Variants in ARHGAP15 observed in about 807,000 individuals in gnomAD.
ARHGAP15 encodes the protein rho GTPase-activating protein 15.
In ARHGAP15, 51 loss-of-function variants were observed where a neutral mutation model predicts 63.7. The ratio of observed to expected loss-of-function variants is 0.80; its 90% confidence interval spans 0.64 to 1.01. The LOEUF (loss-of-function observed/expected upper bound fraction) is 1.01, where lower values mean the gene tolerates loss of function less well. Among genes scored for constraint, ARHGAP15 ranks in the 50% least tolerant of loss-of-function variants. ARHGAP15 has a pLI of 0.00. For synonymous variants in ARHGAP15, 191 were observed against 193.8 expected (o/e 0.99, Z 0.12); for missense variants, 560 against 564.6 (o/e 0.99, Z 0.08).
chr2:143,535,237 ATGT>A (rs1488642118), intron 10 of ARHGAP15, among the ~76,000 whole-genome samples: 2 of 152,256 alleles, frequency 1.3e-5, no homozygotes, highest in East Asian at 3.9e-4. Flanking sequence ...TGAAGCCAAC[ATGT>A]TGTACCCATT....
chr2:143,572,003 T>G (rs758551414), intron 11 of ARHGAP15: 1 of 152,256 alleles, frequency 6.6e-6, no homozygotes, highest in African/African-American at 2.4e-5. Context: ...ATTAGCTGCT[T>G]CTTCCACTGT....
At chr2:143,661,267 T>C (rs1025656490) in intron 12 of ARHGAP15, among the ~76,000 whole-genome samples, 32 of 152,208 alleles carry the variant, frequency 2.1e-4, no homozygotes, top group African/African-American at 7.5e-4. Flanking sequence ...GCCACGAAGA[T>C]AGCATTTTCA....
chr2:143,191,437 G>C (rs1186110165), intron 2 of ARHGAP15, among the ~76,000 whole-genome samples: 3 of 152,180 alleles, frequency 2.0e-5, no homozygotes, highest in Non-Finnish European at 4.4e-5. Context: ...TAGGTCACAT[G>C]TATAAAGAGG....
intron 6 of ARHGAP15, among the ~76,000 whole-genome samples, chr2:143,368,826 G>T (rs1402499543): frequency 6.6e-6 from 1 of 151,980 alleles, no homozygotes; most frequent in African/African-American, 2.4e-5. Flanking sequence ...GCTGTGAAAT[G>T]GCTATTAAGT....
At chr2:143,622,248 C>T (rs1242542645) in intron 11 of ARHGAP15, among the ~76,000 whole-genome samples, 1 of 152,042 alleles carries the variant, frequency 6.6e-6, no homozygotes, top group Non-Finnish European at 1.5e-5. Context: ...GGGAAGAACA[C>T]CAGCTGTAGA....
chr2:143,589,714 A>G (rs777878120), intron 11 of ARHGAP15, among the ~76,000 whole-genome samples: 2 of 152,150 alleles, frequency 1.3e-5, no homozygotes, highest in Non-Finnish European at 2.9e-5. Flanking sequence ...GATATCCCAG[A>G]CCCAAGGTAA....
At chr2:143,355,309 C>G (rs190702346) in intron 6 of ARHGAP15, among the ~76,000 whole-genome samples, 1 of 152,058 alleles carries the variant, frequency 6.6e-6, no homozygotes, top group Non-Finnish European at 1.5e-5. Context: ...CCTAGACTTT[C>G]GGTTAACTTT....
chr2:143,154,072 T>A (rs1021144226), intron 1 of ARHGAP15, among the ~76,000 whole-genome samples: 2 of 151,708 alleles, frequency 1.3e-5, no homozygotes, highest in Non-Finnish European at 2.9e-5. Flanking sequence ...GGTCTTCTTT[T>A]GGGAATAAAA....
chr2:143,707,584 G>A (rs1257490291), intron 13 of ARHGAP15, among the ~76,000 whole-genome samples: 2 of 152,148 alleles, frequency 1.3e-5, no homozygotes, highest in African/African-American at 4.8e-5. Context: ...TATATGCAAT[G>A]TATCTCGAGA....
At chr2:143,421,201 C>T (rs1437929439) in intron 6 of ARHGAP15, among the ~76,000 whole-genome samples, 1 of 152,028 alleles carries the variant, frequency 6.6e-6, no homozygotes, top group Non-Finnish European at 1.5e-5. Flanking sequence ...GAGTCTAAGC[C>T]AAATTCTGAA....
At chr2:143,354,475 C>T (rs1685719737) in intron 6 of ARHGAP15, among the ~76,000 whole-genome samples, 1 of 151,914 alleles carries the variant, frequency 6.6e-6, no homozygotes, top group African/African-American at 2.4e-5. Context: ...GTCCTAGAAA[C>T]GGAAGGCACC....
Position 143,476,943 on chromosome 2 carries a change from G to T in ARHGAP15, c.704-10430G>T, listed in dbSNP as rs572806871. Among the ~76,000 whole-genome samples the T allele has an allele frequency of 3.9e-5, 6 of 152,230 alleles. No homozygotes were observed. In the East Asian group the frequency reaches 7.7e-4, roughly 20 times the overall value. On this transcript the variant is annotated intron_variant, in intron 8 of 13. Transcript: ENST00000295095. Reference sequence around the variant, plus strand: ...TAGGAAGAAGCACTTGAAAGAAATTGCTTTTGCTATACACATGATGTGAGC... The same window carrying T: ...TAGGAAGAAGCACTTGAAAGAAATTTCTTTTGCTATACACATGATGTGAGC...
At chr2:143,352,174 C>G (rs1685602483) in intron 6 of ARHGAP15, among the ~76,000 whole-genome samples, 1 of 152,098 alleles carries the variant, frequency 6.6e-6, no homozygotes, top group South Asian at 2.1e-4. Context: ...AAAGAATACC[C>G]TAACATATTT....
intron 2 of ARHGAP15, among the ~76,000 whole-genome samples, chr2:143,171,317 G>A (rs1690772346): frequency 6.6e-6 from 1 of 152,036 alleles, no homozygotes; most frequent in Non-Finnish European, 1.5e-5. Context: ...GTGCTACACA[G>A]GTGTTGTTTT....
chr2:143,668,007 A>G (rs1193001866), intron 12 of ARHGAP15, among the ~76,000 whole-genome samples: 3 of 151,920 alleles, frequency 2.0e-5, no homozygotes, highest in Non-Finnish European at 4.4e-5. Flanking sequence ...ATATATAAAA[A>G]TATATTTTTT....
intron 8 of ARHGAP15, among the ~76,000 whole-genome samples, chr2:143,477,341 C>T (rs1471554055): frequency 6.6e-6 from 1 of 152,060 alleles, no homozygotes; most frequent in South Asian, 2.1e-4. Context: ...TTTTTATACA[C>T]CTGTTCTGTA....
intron 6 of ARHGAP15, among the ~76,000 whole-genome samples, chr2:143,428,706 G>A (rs1304127008): frequency 1.3e-5 from 2 of 152,064 alleles, no homozygotes; most frequent in African/African-American, 4.8e-5. Context: ...GTATCTTGAA[G>A]GAAGGGAGAT....
At chr2:143,430,987 A>G (rs1689362306) in intron 6 of ARHGAP15, among the ~76,000 whole-genome samples, 1 of 152,066 alleles carries the variant, frequency 6.6e-6, no homozygotes, top group African/African-American at 2.4e-5. Context: ...GGATTGCTTT[A>G]GTCCTTTCTA....
intron 9 of ARHGAP15, among the ~76,000 whole-genome samples, chr2:143,491,969 C>A (rs951859328): frequency 6.6e-6 from 1 of 152,106 alleles, no homozygotes; most frequent in Non-Finnish European, 1.5e-5. Context: ...GCAACTCCTG[C>A]CTCCCAGGTT....
Sources: allele counts gnomAD v4.1 joint callset (sites outside exome capture counted in the v4.1 genomes callset), GRCh38; gene constraint gnomAD v4.1.1; transcripts MANE v1.5; gene names NCBI Gene and HGNC (gene_info 2026-07-23, HGNC 2026-07-21).